The following ARHGEF1 variants were observed in gnomAD, a reference collection of about 807,000 sequenced individuals.
ARHGEF1 encodes 115 kDa guanine nucleotide exchange factor.
In ARHGEF1, 40 loss-of-function variants were observed where a neutral mutation model predicts 119.7. The observed-to-expected ratio is 0.33, with a 90% CI of 0.26 to 0.44. The LOEUF (loss-of-function observed/expected upper bound fraction) is 0.44. Among genes scored for constraint, ARHGEF1 ranks in the 20% least tolerant of loss-of-function variants. The pLI is 1.00. For missense variants in ARHGEF1, 976 were observed against 1,268.3 expected (o/e 0.77, Z 3.50); for synonymous variants, 494 against 521.0 (o/e 0.95, Z 0.71).
chr19:41,900,830 G>A (rs1014713677), intron 14 of ARHGEF1: 4 of 129,774 alleles, frequency 3.1e-5, no homozygotes, highest in Admixed American at 9.5e-5. Context: ...TCGCTCTGTC[G>A]CCTAGGCTAG....
At position 41,903,417 on chromosome 19, in the gene ARHGEF1, G is replaced by T; in HGVS notation, c.1839+10G>T. ...CATGGAGGACCTGCTGGTGAGCCTG[G>T]GCTGGCCCCACACCCGGGACAGTGG... is the stretch of plus-strand genomic sequence containing the variant. On this transcript the variant is annotated intron_variant, in intron 19 of 28. Transcript: ENST00000354532. This position sits in a 1 kb window ranked among gnomAD's most constrained non-coding sequence, Gnocchi z 4.2. The T allele has an allele frequency of 6.2e-7, 1 of 1,613,398 alleles. No individual in the cohort carries two copies. Among genetic ancestry groups the T allele is most frequent in the Non-Finnish European group, 8.5e-7 (1 of 1,179,716 alleles).
chr19:41,927,495 C>T (rs2074878448), intron 1 of ARHGEF1, among the ~76,000 whole-genome samples: 1 of 152,110 alleles, frequency 6.6e-6, no homozygotes, highest in Non-Finnish European at 1.5e-5. Flanking sequence ...GATCCCCAGT[C>T]CCAGATATCC....
chr19:41,901,132 T>C (rs1444815595), intron 14 of ARHGEF1, among the ~76,000 whole-genome samples: 1 of 141,338 alleles, frequency 7.1e-6, no homozygotes, highest in Non-Finnish European at 1.5e-5. Flanking sequence ...ACCCGGAGAG[T>C]TTTTTTTTTT....
At chr19:41,887,972 C>G (rs1156594517) in intron 1 of ARHGEF1, 92 bp from the exon 2 acceptor site, 2 of 1,407,906 alleles carry the variant, frequency 1.4e-6, no homozygotes, top group African/African-American at 1.5e-5. Context: ...AGGCTGTTTA[C>G]TCACCTTCAC....
chr19:41,883,676 C>T lies in ARHGEF1; in HGVS notation c.-20+387C>T, dbSNP rs2074253662. ...GGGATTTGAACTCGCACGTGCTTTC[C>T]GCAAAGCGCCATCCTCCAACCCCCG... On this transcript the variant is annotated intron_variant, in intron 1 of 28. Coordinates refer to ENST00000354532, the MANE Select transcript of ARHGEF1 (RefSeq NM_004706.4). This position sits in a 1 kb window ranked among gnomAD's most constrained non-coding sequence, Gnocchi z 7.6. Among the ~76,000 whole-genome samples, 1 of 152,168 alleles carries T rather than the reference C, an allele frequency of 6.6e-6. No homozygotes were observed. Among genetic ancestry groups the T allele is most frequent in the South Asian group, 2.1e-4 (1 of 4,834 alleles).
rs1398568559 is a variant in ARHGEF1 at position 41,894,761 on chromosome 19, C to T, written c.877+100C>T. 1.5e-5 allele frequency: 20 copies of T among 1,319,518 alleles called. No homozygotes were observed. In the African/African-American group the frequency reaches 3.5e-4, roughly 23 times the overall value. 81.7% of individuals were successfully genotyped at this position (1,319,518 alleles called of 1,614,324 possible). A position where few individuals can be genotyped will look rare whatever the true frequency, so the allele number is the denominator to read the frequency against. ...GAGGGAGGAGGGGCTGGGACCTGGA[C>T]GCCTGGTTCTGAGGGAGGAGGGGAT... On this transcript the variant is annotated intron_variant, in intron 11 of 28. Coordinates refer to ENST00000354532, the MANE Select transcript of ARHGEF1 (RefSeq NM_004706.4).
At position 41,888,731 on chromosome 19, in the gene ARHGEF1, C is replaced by T; in HGVS notation, c.112-21C>T. The T allele has an allele frequency of 6.2e-7, 1 of 1,609,792 alleles. No individual in the cohort carries two copies. The highest frequency in any genetic ancestry group is 8.5e-7 in the Non-Finnish European group (1 of 1,176,128). On this transcript the variant is annotated intron_variant, in intron 3 of 28. Transcript: ENST00000354532. This position sits in a 1 kb window ranked among gnomAD's most constrained non-coding sequence, Gnocchi z 5.1. ...CCCCTCCTCTTCTCCCCATTGTACTCACCCCTTCCTGCACCCCCAGAACTC... is the reference window on the plus strand; with the variant it reads ...CCCCTCCTCTTCTCCCCATTGTACTTACCCCTTCCTGCACCCCCAGAACTC...
chr19:41,910,181 G>A, downstream of ARHGEF1: 1 of 1,326,314 alleles, frequency 7.5e-7, no homozygotes, highest in Admixed American at 2.3e-5. The surrounding 1 kb of genome is among the most constrained non-coding windows in gnomAD (Gnocchi z 4.4). Context: ...TAACCTGGGA[G>A]GCATGTAGTT....
downstream of ARHGEF1, chr19:41,908,023 C>T: frequency 2.3e-6 from 1 of 426,292 alleles, no homozygotes; most frequent in Non-Finnish European, 4.0e-6. The surrounding 1 kb of genome is among the most constrained non-coding windows in gnomAD (Gnocchi z 6.7). Context: ...GGGAGGAGGC[C>T]GGAGGCCATC....
Position 41,888,928 on chromosome 19 carries a change from A to C in ARHGEF1, c.225+63A>C. On this transcript the variant is annotated intron_variant, in intron 4 of 28. Transcript: ENST00000354532. This position sits in a 1 kb window ranked among gnomAD's most constrained non-coding sequence, Gnocchi z 5.1. ...GCTGGGACAGGCACAGCTTTTAGCGAATTAAACCAGCGAGCTAGTGCCTGG... is the reference window on the plus strand; with the variant it reads ...GCTGGGACAGGCACAGCTTTTAGCGCATTAAACCAGCGAGCTAGTGCCTGG... The C allele has an allele frequency of 1.4e-6, 2 of 1,425,910 alleles. No homozygotes were observed. Among genetic ancestry groups the C allele is most frequent in the East Asian group, 2.4e-5 (1 of 41,876 alleles). 88.3% of individuals were successfully genotyped at this position (1,425,910 alleles called of 1,614,324 possible).
At chr19:41,924,803 A>G in intron 1 of ARHGEF1, among the ~76,000 whole-genome samples, 1 of 152,178 alleles carries the variant, frequency 6.6e-6, no homozygotes, top group East Asian at 1.9e-4. Flanking sequence ...AGAGCTGGTC[A>G]GAGACACGTG....
chr19:41,898,600 C>A lies in ARHGEF1; in HGVS notation c.1267+13C>A. 1 of 1,581,560 alleles carries A rather than the reference C, an allele frequency of 6.3e-7. No homozygotes were observed. On this transcript the variant is annotated intron_variant, in intron 14 of 28. Transcript: ENST00000354532. ...GAGGTCATCAGCGGTGAGTACTGCC[C>A]CCATCACCCCACTGTGGCCAAGGAC...
At chr19:41,918,518 T>TCA (rs1411197534), upstream of ARHGEF1, among the ~76,000 whole-genome samples, 1 of 103,428 alleles carries the variant, frequency 9.7e-6, no homozygotes, top group African/African-American at 3.8e-5. Flanking sequence ...ACCACACACA[T>TCA]CACACACACA....
chr19:41,890,025 G>A (rs1191956952), intron 4 of ARHGEF1: 2 of 152,168 alleles, frequency 1.3e-5, no homozygotes, highest in Admixed American at 1.3e-4. Context: ...GGCGGCCTCT[G>A]GGCATTTTGA....
chr19:41,914,606 C>CCGTCTT (rs1356859174), intron 18 of ARHGEF1, among the ~76,000 whole-genome samples: 1 of 59,496 alleles, frequency 1.7e-5, no homozygotes, highest in Non-Finnish European at 3.2e-5. Context: ...ATCTCTGTCT[C>CCGTCTT]TCCCTCCCCT....
intron 13 of ARHGEF1, 131 bp downstream of exon 13, chr19:41,896,613 G>T (rs2074492140): frequency 2.6e-6 from 2 of 761,074 alleles, no homozygotes; most frequent in Non-Finnish European, 4.6e-6. Context: ...GCTGCTCTCT[G>T]GGTCTGGCCA....
chr19:41,897,236 G>C (rs1389614057), intron 13 of ARHGEF1: 7 of 1,268,070 alleles, frequency 5.5e-6, no homozygotes, highest in Non-Finnish European at 7.2e-6. Context: ...CGCTGCTTTG[G>C]GGACCCTTTG....
chr19:41,903,933 C>T lies in ARHGEF1; in HGVS notation c.1918-102C>T. On this transcript the variant is annotated intron_variant, in intron 20 of 28. Coordinates refer to ENST00000354532, the MANE Select transcript of ARHGEF1 (RefSeq NM_004706.4). The surrounding 1 kb of genome is among the most constrained non-coding windows in gnomAD (Gnocchi z 4.2). ...CACCTCATGCCAATCCCATGATCCC[C>T]AGCCTGTGGTCATCCCCGGCCACTG... The T allele has an allele frequency of 7.2e-7, 1 of 1,390,028 alleles. No homozygotes were observed. Among genetic ancestry groups the T allele is most frequent in the Non-Finnish European group, 1.0e-6 (1 of 991,154 alleles). The allele number at this position is 1,390,028 out of a possible 1,614,324, so 86.1% of individuals were successfully genotyped here.
At chr19:41,896,738 T>C in intron 13 of ARHGEF1, 2 of 642,864 alleles carry the variant, frequency 3.1e-6, no homozygotes, top group Non-Finnish European at 5.7e-6. Flanking sequence ...TTTTCACTAA[T>C]CCTTCTCCTC....
Sources: gnomAD v4.1 joint callset for allele counts (sites outside exome capture counted in the v4.1 genomes callset) on GRCh38, gnomAD v4.1.1 for gene constraint, Gnocchi (gnomAD v3.1) non-coding constraint, MANE v1.5 for transcripts, NCBI Gene and HGNC (gene_info 2026-07-23, HGNC 2026-07-21) for gene names.